TEX2: variants seen among roughly 807,000 people sequenced by gnomAD.
TEX2 encodes testis-expressed protein 2.
In TEX2, 53 loss-of-function variants were observed where a neutral mutation model predicts 106.9. That is an observed-to-expected ratio of 0.50 (90% confidence interval 0.40 to 0.62). The LOEUF (loss-of-function observed/expected upper bound fraction) is 0.62. Ranked by LOEUF, TEX2 falls within the 20% of genes least tolerant of loss-of-function variation. The pLI, the probability that TEX2 is intolerant of heterozygous loss-of-function variation, is 0.00. For missense variants in TEX2, 1,207 were observed against 1,379.0 expected (o/e 0.88, Z 1.98); for synonymous variants, 523 against 534.8 (o/e 0.98, Z 0.30).
chr17:64,255,298 T>C (rs572155631), intron 1 of TEX2, among the ~76,000 whole-genome samples: 1 of 152,320 alleles, frequency 6.6e-6, no homozygotes, highest in African/African-American at 2.4e-5. Flanking sequence ...TGTAAGAGGT[T>C]TCCACTAAAT....
intron 3 of TEX2, among the ~76,000 whole-genome samples, chr17:64,194,560 T>A (rs1038908981): frequency 6.6e-6 from 1 of 152,194 alleles, no homozygotes; most frequent in African/African-American, 2.4e-5. Flanking sequence ...AGCTTTTTGT[T>A]TGACTGAAAT....
chr17:64,171,939 C>T (rs2031419739), intron 6 of TEX2, among the ~76,000 whole-genome samples: 1 of 150,676 alleles, frequency 6.6e-6, no homozygotes. Context: ...GAGAATGTGC[C>T]ACTGCACCCC....
chr17:64,162,128 A>C (rs1454485388), intron 7 of TEX2, among the ~76,000 whole-genome samples: 1 of 152,190 alleles, frequency 6.6e-6, no homozygotes, highest in African/African-American at 2.4e-5. Context: ...TAATTAAGTG[A>C]TATGGAGATC....
chr17:64,261,765 A>G (rs147319207), intron 1 of TEX2, among the ~76,000 whole-genome samples: 25 of 152,316 alleles, frequency 1.6e-4, no homozygotes, highest in African/African-American at 5.8e-4. Flanking sequence ...ATCCCACTCT[A>G]TCCACATCAC....
chr17:64,225,799 C>T (rs2033490018), intron 1 of TEX2, among the ~76,000 whole-genome samples: 1 of 152,098 alleles, frequency 6.6e-6, no homozygotes, highest in South Asian at 2.1e-4. Context: ...CTCACTCCAA[C>T]CTCTACCTCC....
At chr17:64,210,134 C>T (rs1025029433) in intron 2 of TEX2, among the ~76,000 whole-genome samples, 2 of 152,172 alleles carry the variant, frequency 1.3e-5, no homozygotes, top group Admixed American at 6.5e-5. Flanking sequence ...AAAGTTAGCA[C>T]GAACTTACTT....
chr17:64,214,141 T>G lies in TEX2; in HGVS notation c.77A>C (p.Gln26Pro). The G allele has an allele frequency of 3.7e-6, 6 of 1,614,232 alleles. No homozygotes were observed. The highest frequency in any genetic ancestry group is 5.1e-6 in the Non-Finnish European group (6 of 1,180,038). ...PKPSAPKVHV[Q>P]RSVSRDTIAI... ...GATGGTATCTCGGGACACGGACCTC[T>G]GCACGTGCACTTTAGGGGCTGATGG... Residue 26 changes from glutamine (Q) to proline (P), a missense_variant, in exon 2 of 12, where the codon CAG (glutamine) becomes CCG (proline). Physicochemically the swap from Gln to Pro is moderately conservative, Grantham distance 76. Transcript: ENST00000584379.
chr17:64,183,050 C>T (rs1032751787), intron 5 of TEX2, among the ~76,000 whole-genome samples: 1 of 151,932 alleles, frequency 6.6e-6, no homozygotes, highest in African/African-American at 2.4e-5. Flanking sequence ...GGACTACAGG[C>T]GTGCACTACT....
intron 1 of TEX2, among the ~76,000 whole-genome samples, chr17:64,261,616 C>T (rs1209210675): frequency 6.6e-6 from 1 of 152,186 alleles, no homozygotes; most frequent in African/African-American, 2.4e-5. Flanking sequence ...TAATCTCCTT[C>T]CTCTCAGGCA....
intron 11 of TEX2, chr17:64,150,226 G>A (rs937769917): frequency 6.6e-6 from 1 of 152,188 alleles, no homozygotes; most frequent in Non-Finnish European, 1.5e-5. Context: ...AAAGTTTGAT[G>A]GAAATAGCTC....
chr17:64,244,982 T>C (rs2033960202), intron 1 of TEX2, among the ~76,000 whole-genome samples: 2 of 152,148 alleles, frequency 1.3e-5, no homozygotes, highest in African/African-American at 4.8e-5. Context: ...TATTCTTTCA[T>C]ACATATGGCA....
intron 1 of TEX2, among the ~76,000 whole-genome samples, chr17:64,260,369 C>A (rs1598239830): frequency 6.6e-6 from 1 of 152,362 alleles, no homozygotes; most frequent in South Asian, 2.1e-4. Context: ...GGGTCTTACT[C>A]TGTCATCCAG....
intron 9 of TEX2, among the ~76,000 whole-genome samples, chr17:64,154,524 G>A (rs909776311): frequency 7.9e-5 from 12 of 152,284 alleles, no homozygotes; most frequent in South Asian, 4.1e-4. Context: ...GAGGCTCTCC[G>A]GGGGGAGGGG....
chr17:64,244,297 C>T (rs931794716), intron 1 of TEX2, among the ~76,000 whole-genome samples: 3 of 151,862 alleles, frequency 2.0e-5, no homozygotes, highest in African/African-American at 4.8e-5. Context: ...GTGGGCCTCT[C>T]GTATCTTTGG....
chr17:64,188,222 G>C lies in TEX2; in HGVS notation c.2370C>G (p.Ser790Arg), dbSNP rs757621344. The change falls in exon 5 of 12, where the codon AGC (serine) becomes AGG (arginine). Residue 790 changes from serine to arginine, a missense_variant. Ser to Arg is a moderately radical substitution (Grantham distance 110, BLOSUM62 -1). Around this residue, in one of 3 missense-constraint regions of TEX2, gnomAD observed 1,067 missense variants for 1,193.6 expected, o/e 0.89. Transcript: ENST00000584379. ...MGRCVPQESR[S>R]PQRSPLQSAE... ...CACTCTGCAGGGGGCTCCTCTGGGG[G>C]CTTCGGCTTTCCTGGGGGACACACC... The C allele has an allele frequency of 1.2e-6, 2 of 1,612,934 alleles. No individual in the cohort carries two copies. Among genetic ancestry groups the C allele is most frequent in the South Asian group, 2.2e-5 (2 of 91,028 alleles).
At chr17:64,199,277 C>T (rs529583420) in intron 2 of TEX2, among the ~76,000 whole-genome samples, 2 of 152,248 alleles carry the variant, frequency 1.3e-5, no homozygotes, top group South Asian at 4.1e-4. Context: ...CGCTCTGTTG[C>T]CCAGGCTGGA....
chr17:64,213,375 G>A lies in TEX2; in HGVS notation c.843C>T (p.Pro281=), dbSNP rs782151744. 6.2e-6 allele frequency: 10 copies of A among 1,613,824 alleles called. No homozygotes were observed. Among genetic ancestry groups the A allele is most frequent in the South Asian group, 4.4e-5 (4 of 91,066 alleles). ...PSDTRSFFKV[P]EMEAKIEDTK... is the part of the protein sequence containing the mutation. ...TATCTTCAATTTTAGCCTCCATTTC[G>A]GGCACTTTAAAAAAGGAACGAGTAT... The change falls in exon 2 of 12, where the codon CCC becomes CCT. Residue 281 remains proline (P), a synonymous_variant. Coordinates refer to ENST00000584379, the MANE Select transcript of TEX2 (RefSeq NM_001288732.2). This position sits in a 1 kb window ranked among gnomAD's most constrained non-coding sequence, Gnocchi z 4.4.
At chr17:64,260,466 G>C (rs1555638398) in intron 1 of TEX2, among the ~76,000 whole-genome samples, 1 of 52 alleles carries the variant, frequency 0.019, no homozygotes, top group Non-Finnish European at 0.042. Flanking sequence ...CACTGTGCCT[G>C]GCCCAAAAAG....
rs2030460091 is a variant in TEX2 at position 64,153,360 on chromosome 17, C to T, written c.2931-206G>A. Among the ~76,000 whole-genome samples, 1 of 152,138 alleles carries T rather than the reference C, an allele frequency of 6.6e-6. No individual in the cohort carries two copies. Among genetic ancestry groups the T allele is most frequent in the Non-Finnish European group, 1.5e-5 (1 of 68,036 alleles). On this transcript the variant is annotated intron_variant, in intron 9 of 11. Transcript: ENST00000584379. This position sits in a 1 kb window ranked among gnomAD's most constrained non-coding sequence, Gnocchi z 4.1. ...TACCTACCAGATGCCAATAGCACTC[C>T]CCCTAGTTATGACAATAAAAAATGT...
Sources: allele counts gnomAD v4.1 joint callset (sites outside exome capture counted in the v4.1 genomes callset), GRCh38; gene constraint gnomAD v4.1.1; regional missense constraint gnomAD v4.1.1; non-coding constraint Gnocchi (gnomAD v3.1); transcripts MANE v1.5; gene names NCBI Gene and HGNC (gene_info 2026-07-23, HGNC 2026-07-21).